TMEM60: variants seen among roughly 807,000 people sequenced by gnomAD.
TMEM60 encodes transmembrane protein 60.
Under a neutral mutation model 10.7 loss-of-function variants are expected in TMEM60, and 4 were observed. The observed-to-expected ratio is 0.37, with a 90% CI of 0.18 to 0.86. TMEM60 has a LOEUF of 0.86. Ranked by LOEUF, TMEM60 falls within the 40% of genes least tolerant of loss-of-function variation. TMEM60 has a pLI of 0.43. For synonymous variants in TMEM60, 56 were observed against 58.1 expected (o/e 0.96, Z 0.17); for missense variants, 128 against 153.4 (o/e 0.83, Z 0.88).
chr7:77,794,470 A>G (rs1792147547), intron 1 of TMEM60, 47 bp from the exon 2 acceptor site: 1 of 1,290,354 alleles, frequency 7.7e-7, no homozygotes. Flanking sequence ...CCAGAAAAAA[A>G]GTATCACTTC....
chr7:77,794,490 T>G, intron 1 of TMEM60, 67 bp from the exon 2 acceptor site: 1 of 1,056,208 alleles, frequency 9.5e-7, no homozygotes, highest in Non-Finnish European at 1.3e-6. Context: ...CCATTCCTAA[T>G]GAACAAAACT....
At chr7:77,796,694 G>T (rs150587075) in intron 1 of TMEM60, among the ~76,000 whole-genome samples, 44 of 152,342 alleles carry the variant, frequency 2.9e-4, no homozygotes, top group African/African-American at 9.6e-4. Context: ...AAGAGAAAAA[G>T]ATCAGAAGGT....
intron 1 of TMEM60, 62 bp from the exon 2 acceptor site, chr7:77,794,485 C>T: frequency 8.8e-7 from 1 of 1,132,836 alleles, no homozygotes; most frequent in Non-Finnish European, 1.2e-6. Context: ...CACTTCCATT[C>T]CTAATGAACA....
At chr7:77,796,312 T>G (rs948490902) in intron 1 of TMEM60, among the ~76,000 whole-genome samples, 2 of 152,212 alleles carry the variant, frequency 1.3e-5, no homozygotes, top group Non-Finnish European at 2.9e-5. Context: ...AAACCTAGAA[T>G]TTTGATTATG....
chr7:77,797,310 T>A (rs1412229441), intron 1 of TMEM60, among the ~76,000 whole-genome samples: 1 of 152,242 alleles, frequency 6.6e-6, no homozygotes, highest in Non-Finnish European at 1.5e-5. Context: ...TGGCTGTACT[T>A]ACCACAGGTG....
At chr7:77,794,580 T>C (rs1241816963) in intron 1 of TMEM60, among the ~76,000 whole-genome samples, 157 bp from the exon 2 acceptor site, 1 of 152,206 alleles carries the variant, frequency 6.6e-6, no homozygotes, top group East Asian at 1.9e-4. Flanking sequence ...TTAGTGATCA[T>C]TGACATTATA....
At chr7:77,797,436 G>A (rs973905770) in intron 1 of TMEM60, among the ~76,000 whole-genome samples, 6 of 152,168 alleles carry the variant, frequency 3.9e-5, no homozygotes, top group African/African-American at 1.4e-4. Flanking sequence ...CCTCAATGGG[G>A]AAGCACTGCT....
At position 77,794,154 on chromosome 7, in the gene TMEM60, T is replaced by A. The variant is rs756234362; in HGVS notation, c.220A>T (p.Ile74Phe). The A allele has an allele frequency of 1.2e-6, 2 of 1,613,112 alleles. No homozygotes were observed. Among genetic ancestry groups the A allele is most frequent in the African/African-American group, 1.3e-5 (1 of 74,746 alleles). ...ATGAGGTACCAGGCTTTTTTTTTAA[T>A]ATTGTGTGATCCATGTCGAGGGTCA... ...GFDPRHGSHNIKKKAWYLIAM... is the reference protein window; with the variant it reads ...GFDPRHGSHNFKKKAWYLIAM... The change falls in exon 2 of 2, where the codon ATT (isoleucine) becomes TTT (phenylalanine). Residue 74 changes from isoleucine (I) to phenylalanine (F), a missense_variant. By Grantham distance (21) the Ile-to-Phe change is conservative (BLOSUM62 0). Transcript: ENST00000257663.
intron 1 of TMEM60, among the ~76,000 whole-genome samples, chr7:77,794,968 C>A (rs1792152616): frequency 6.6e-6 from 1 of 152,062 alleles, no homozygotes; most frequent in African/African-American, 2.4e-5. Context: ...CCAGCCAGGG[C>A]AAGAGTGAAA....
At position 77,794,258 on chromosome 7, in the gene TMEM60, A is replaced by T; in HGVS notation, c.116T>A (p.Phe39Tyr). The T allele has an allele frequency of 6.2e-7, 1 of 1,613,930 alleles. No individual in the cohort carries two copies. The highest frequency in any genetic ancestry group is 8.5e-7 in the Non-Finnish European group (1 of 1,179,986). The part of the protein sequence containing the change: ...EKAPWNWFLI[F>Y]IPVWIFDTIL... ...AGTATCAAATATCCAGACTGGAATG[A>T]ATATGAGGAACCAGTTCCAAGGTGC... is the stretch of plus-strand genomic sequence containing the variant. Residue 39 changes from phenylalanine to tyrosine, a missense_variant, in exon 2 of 2, where the codon TTC becomes TAC. Coordinates refer to ENST00000257663, the MANE Select transcript of TMEM60 (RefSeq NM_032936.4).
At position 77,794,068 on chromosome 7, in the gene TMEM60, A is replaced by T; in HGVS notation, c.306T>A (p.Thr102=). 1 of 1,614,170 alleles carries T rather than the reference A, an allele frequency of 6.2e-7. No individual in the cohort carries two copies. Among genetic ancestry groups the T allele is most frequent in the African/African-American group, 1.3e-5 (1 of 75,074 alleles). The change falls in exon 2 of 2, where the codon ACT becomes ACA. Residue 102 remains threonine (T), a synonymous_variant. Transcript: ENST00000257663. ...TGAAGACATAGGATAGATTCATGGT[A>T]GTAAACTGTTCCAGTTTAGCACAGA... The part of the protein sequence containing the change: ...LALCAKLEQF[T]TMNLSYVFIP...
chr7:77,794,151 T>A lies in TMEM60; in HGVS notation c.223A>T (p.Lys75Ter). The A allele has an allele frequency of 1.9e-6, 3 of 1,612,750 alleles. No individual in the cohort carries two copies. The highest frequency in any genetic ancestry group is 2.5e-6 in the Non-Finnish European group (3 of 1,179,752). ...FDPRHGSHNI[K>*]KKAWYLIAML... ...GCAATGAGGTACCAGGCTTTTTTTT[T>A]AATATTGTGTGATCCATGTCGAGGG... The change falls in exon 2 of 2, where the codon AAA (lysine) becomes TAA (stop). Residue 75 changes from lysine (K) to a stop codon, truncating the protein, a stop_gained. Coordinates refer to ENST00000257663, the MANE Select transcript of TMEM60 (RefSeq NM_032936.4). LOFTEE classifies it high-confidence loss of function.
intron 1 of TMEM60, among the ~76,000 whole-genome samples, chr7:77,795,474 A>G (rs768557462): frequency 6.6e-6 from 1 of 152,042 alleles, no homozygotes; most frequent in Non-Finnish European, 1.5e-5. Flanking sequence ...GCCGTTGCAC[A>G]CTGCACTCCA....
At position 77,793,994 on chromosome 7, in the gene TMEM60, T is replaced by A. The variant is rs1319084354; in HGVS notation, c.380A>T (p.Asn127Ile). The change falls in exon 2 of 2, where the codon AAT (asparagine) becomes ATT (isoleucine). Residue 127 changes from asparagine (N) to isoleucine (I), a missense_variant. Physicochemically the swap from Asn to Ile is moderately radical, Grantham distance 149. Coordinates refer to ENST00000257663, the MANE Select transcript of TMEM60 (RefSeq NM_032936.4). ...LAGALTELGY[N>I]VFFVRD is the part of the protein sequence containing the mutation. ...AAGTCAGTCTCTCACAAAAAAGACATTATATCCGAGTTCTGTTAAAGCCCC... is the reference window on the plus strand; with the variant it reads ...AAGTCAGTCTCTCACAAAAAAGACAATATATCCGAGTTCTGTTAAAGCCCC... 16 of 1,578,130 alleles carry A rather than the reference T, an allele frequency of 1.0e-5. No individual in the cohort carries two copies. In the East Asian group the frequency reaches 3.6e-4, roughly 35 times the overall value.
In TMEM60 at chr7:77,794,343, G is replaced by A. The variant is rs946843914; in HGVS notation, c.31C>T (p.Leu11Phe). 6.3e-7 allele frequency: 1 copy of A among 1,595,952 alleles called. No individual in the cohort carries two copies. Among genetic ancestry groups the A allele is most frequent in the Admixed American group, 1.8e-5 (1 of 56,800 alleles). MRMSLAQRVL[L>F]TWLFTLLFLI... Reference sequence around the variant, plus strand: ...AAGAGTAGTGTGAAAAGCCAGGTGAGTAGTACTCTCTGAGCCAAGGACATT... The same window carrying A: ...AAGAGTAGTGTGAAAAGCCAGGTGAATAGTACTCTCTGAGCCAAGGACATT... Residue 11 changes from leucine (L) to phenylalanine (F), a missense_variant, in exon 2 of 2, where the codon CTC becomes TTC. Leu to Phe is a conservative substitution (Grantham distance 22, BLOSUM62 0). Coordinates refer to ENST00000257663, the MANE Select transcript of TMEM60 (RefSeq NM_032936.4).
intron 1 of TMEM60, among the ~76,000 whole-genome samples, chr7:77,795,466 C>CGTT (rs1315037913): frequency 1.3e-5 from 2 of 151,746 alleles, no homozygotes; most frequent in Non-Finnish European, 2.9e-5. Context: ...TGCAGTGAGC[C>CGTT]GTTGCACACT....
chr7:77,793,771 C>G lies in TMEM60; in HGVS notation c.*201G>C, dbSNP rs965763434. On this transcript the variant is annotated 3_prime_UTR_variant, in exon 2 of 2. Transcript: ENST00000257663. ...TTATTTACATAGAGATAATAAGGAT[C>G]TCAATAACTCAAATGCTGAATAATT... The G allele has an allele frequency of 7.8e-6, 4 of 513,384 alleles. No homozygotes were observed. In the Admixed American group the frequency reaches 1.6e-4, roughly 21 times the overall value. The allele number at this position is 513,384 out of a possible 1,614,324, so 31.8% of individuals were successfully genotyped here.
At position 77,798,404 on chromosome 7, in the gene TMEM60, A is replaced by G. The variant is rs951327934; in HGVS notation, c.-201T>C. ...GAAAAAACTTCAGTTCCGCCTCCTCAAACGACTGCGGTAGAGGATCTCTCA... is the reference window on the plus strand; with the variant it reads ...GAAAAAACTTCAGTTCCGCCTCCTCGAACGACTGCGGTAGAGGATCTCTCA... On this transcript the variant is annotated 5_prime_UTR_variant, in exon 1 of 2. Coordinates refer to ENST00000257663, the MANE Select transcript of TMEM60 (RefSeq NM_032936.4). 2.0e-5 allele frequency: 3 copies of G among 152,216 alleles called. No individual in the cohort carries two copies. The highest frequency in any genetic ancestry group is 4.4e-5 in the Non-Finnish European group (3 of 68,068). The allele number at this position is 152,216 out of a possible 1,614,324, so 9.4% of individuals were successfully genotyped here.
chr7:77,796,567 AAGAT>A (rs769782474), intron 1 of TMEM60, among the ~76,000 whole-genome samples: 11 of 152,320 alleles, frequency 7.2e-5, no homozygotes, highest in Non-Finnish European at 1.0e-4. Context: ...AGAAAAATGA[AAGAT>A]AGGGTATATG....
Sources: allele counts gnomAD v4.1 joint callset (sites outside exome capture counted in the v4.1 genomes callset), GRCh38; gene constraint gnomAD v4.1.1; transcripts MANE v1.5; gene names NCBI Gene and HGNC (gene_info 2026-07-23, HGNC 2026-07-21).